NFASC: variants seen among roughly 807,000 people sequenced by gnomAD.
The protein encoded by NFASC is neurofascin homolog.
A neutral mutation model predicts 147.5 loss-of-function variants in NFASC; 43 were observed. The ratio of observed to expected loss-of-function variants is 0.29; its 90% confidence interval spans 0.23 to 0.38. The LOEUF (loss-of-function observed/expected upper bound fraction) is 0.38, where lower values mean the gene tolerates loss of function less well. NFASC is among the 10% of genes least tolerant of loss of function. NFASC has a pLI of 1.00. For synonymous variants in NFASC, 622 were observed against 665.5 expected, an observed-to-expected ratio of 0.93 and a Z score of 1.01; for missense variants, 1,320 against 1,689.0, an observed-to-expected ratio of 0.78 and a Z score of 3.83.
In NFASC at chr1:204,968,306, G is replaced by T; in HGVS notation, c.764G>T (p.Ser255Ile). 1 of 1,614,212 alleles carries T rather than the reference G, an allele frequency of 6.2e-7. No individual in the cohort carries two copies. The highest frequency in any genetic ancestry group is 8.5e-7 in the Non-Finnish European group (1 of 1,180,024). Residue 255 changes from serine (S) to isoleucine (I), a missense_variant, in exon 9 of 30, where the codon AGC becomes ATC. Around this residue, in one of 3 missense-constraint regions of NFASC, gnomAD observed 981 missense variants for 1,289.5 expected, o/e 0.76. Transcript: ENST00000339876. The surrounding 1 kb of genome is among the most constrained non-coding windows in gnomAD (Gnocchi z 5.4). Reference sequence around the variant, plus strand: ...ATGTATCCCCAGGGCACCGCGAGCAGCCAGATGGTGCTTCGTGGCATGGAC... The same window carrying T: ...ATGTATCCCCAGGGCACCGCGAGCATCCAGATGGTGCTTCGTGGCATGGAC... ...SFMYPQGTAS[S>I]QMVLRGMDLL...
At chr1:204,858,416 G>A (rs2076356946) in intron 1 of NFASC, among the ~76,000 whole-genome samples, 1 of 152,148 alleles carries the variant, frequency 6.6e-6, no homozygotes, top group Non-Finnish European at 1.5e-5. Context: ...AGGCCTTGTG[G>A]TTCCTCTGGG....
At chr1:204,934,452 A>C (rs1283824856) in intron 2 of NFASC, among the ~76,000 whole-genome samples, 1 of 152,226 alleles carries the variant, frequency 6.6e-6, no homozygotes, top group Non-Finnish European at 1.5e-5. Context: ...TGTTAATGTA[A>C]ATGTATATGT....
chr1:204,910,759 C>G (rs1003777578), intron 1 of NFASC, among the ~76,000 whole-genome samples: 7 of 152,122 alleles, frequency 4.6e-5, no homozygotes, highest in Non-Finnish European at 1.0e-4. Flanking sequence ...TACCTCCGGC[C>G]TCCCAAAGTG....
chr1:204,836,158 C>CTGTGTG (rs1175051279), intron 1 of NFASC, among the ~76,000 whole-genome samples: 3 of 151,850 alleles, frequency 2.0e-5, no homozygotes, highest in Non-Finnish European at 4.4e-5. Context: ...GCATGTATGT[C>CTGTGTG]TGTGTGTGCG....
intron 10 of NFASC, 47 bp from the exon 11 acceptor site, chr1:204,970,569 G>A (rs750540929): frequency 6.2e-7 from 1 of 1,611,088 alleles, no homozygotes; most frequent in South Asian, 1.1e-5. Flanking sequence ...TCTTCTGCCT[G>A]TCCCATGCCA....
At chr1:204,838,802 G>C (rs1274825725) in intron 1 of NFASC, among the ~76,000 whole-genome samples, 1 of 152,200 alleles carries the variant, frequency 6.6e-6, no homozygotes, top group African/African-American at 2.4e-5. Flanking sequence ...GGCCCAGGGT[G>C]GGGGTACAGG....
intron 2 of NFASC, among the ~76,000 whole-genome samples, chr1:204,932,801 G>A (rs1025126185): frequency 2.0e-5 from 3 of 152,146 alleles, no homozygotes; most frequent in Non-Finnish European, 2.9e-5. Flanking sequence ...TAGTTTTACC[G>A]CAGTGTGCCA....
intron 2 of NFASC, among the ~76,000 whole-genome samples, chr1:204,929,228 C>A (rs2092092274): frequency 6.6e-6 from 1 of 151,952 alleles, no homozygotes; most frequent in Non-Finnish European, 1.5e-5. Flanking sequence ...TGAGTGCTAT[C>A]AATGGTTAAA....
At chr1:204,921,171 T>C (rs1296781493) in intron 2 of NFASC, among the ~76,000 whole-genome samples, 8 of 152,184 alleles carry the variant, frequency 5.3e-5, no homozygotes, top group Admixed American at 3.9e-4. Flanking sequence ...CCCTGGCAGA[T>C]GGACAGTTAT....
At chr1:204,942,837 T>C (rs530992797) in intron 2 of NFASC, among the ~76,000 whole-genome samples, 2 of 152,144 alleles carry the variant, frequency 1.3e-5, no homozygotes, top group East Asian at 3.9e-4. Flanking sequence ...ACTGCAAAAA[T>C]GTGAATAAGA....
intron 24 of NFASC, chr1:204,993,784 T>A (rs1175123698): frequency 1.9e-6 from 1 of 518,030 alleles, no homozygotes; most frequent in Non-Finnish European, 3.9e-6. Flanking sequence ...CTGCCCAGCC[T>A]GGTGCTGCTC....
rs2096344133 is a variant in NFASC at position 205,015,665 on chromosome 1, T to C, written c.3492-643T>C. On this transcript the variant is annotated intron_variant, in intron 29 of 29. Transcript: ENST00000339876. This position sits in a 1 kb window ranked among gnomAD's most constrained non-coding sequence, Gnocchi z 4.0. ...TGCTGGCATCACCTGCTTACCTGTG[T>C]GCCCCCCCACCACCACCACTCTTGC... 6.6e-6 allele frequency among the ~76,000 whole-genome samples: 1 copy of C among 152,078 alleles called. No individual in the cohort carries two copies. Among genetic ancestry groups the C allele is most frequent in the Non-Finnish European group, 1.5e-5 (1 of 68,020 alleles).
chr1:204,997,353 C>T lies in NFASC; in HGVS notation c.2966C>T (p.Thr989Ile). The change falls in exon 25 of 30, where the codon ACC becomes ATC. Residue 989 changes from threonine to isoleucine, a missense_variant. Transcript: ENST00000339876. ...ACTACAACCACTGCTGCCGCCACCA[C>T]CACCACGGAGAGTCCTCCCACCACC... ...TTTTTTAAAT[T>I]TTESPPTTTS... 6.4e-7 allele frequency: 1 copy of T among 1,557,762 alleles called. No individual in the cohort carries two copies. The highest frequency in any genetic ancestry group is 8.7e-7 in the Non-Finnish European group (1 of 1,150,544).
intron 1 of NFASC, among the ~76,000 whole-genome samples, chr1:204,872,239 A>C (rs750997186): frequency 6.6e-5 from 10 of 152,190 alleles, no homozygotes; most frequent in Non-Finnish European, 1.5e-4. Context: ...TGCACAAAGC[A>C]AACGGTACAG....
intron 1 of NFASC, among the ~76,000 whole-genome samples, chr1:204,909,051 G>T (rs1394384351): frequency 1.3e-5 from 2 of 152,156 alleles, no homozygotes; most frequent in Non-Finnish European, 2.9e-5. Context: ...AAACATTTAT[G>T]TACAGGTTTT....
At chr1:204,939,048 G>A (rs950765402) in intron 2 of NFASC, among the ~76,000 whole-genome samples, 28 of 149,840 alleles carry the variant, frequency 1.9e-4, no homozygotes, top group Middle Eastern at 6.9e-3. Context: ...ATGTGTGTGT[G>A]TGTGTGTGTG....
rs200482080 is a variant in NFASC at position 204,980,433 on chromosome 1, C to T, written c.2240C>T (p.Thr747Met). Residue 747 changes from threonine (T) to methionine (M), a missense_variant, in exon 20 of 30, where the codon ACG becomes ATG. Coordinates refer to ENST00000339876, the MANE Select transcript of NFASC (RefSeq NM_001005388.3). ...EGTRKNNMEITWTPMNATSAF... is the reference protein window; with the variant it reads ...EGTRKNNMEIMWTPMNATSAF... Reference sequence around the variant, plus strand: ...ACCAGAAAGAACAACATGGAGATCACGTGGACGGTAAGAGGCCCTCCCAGC... The same window carrying T: ...ACCAGAAAGAACAACATGGAGATCATGTGGACGGTAAGAGGCCCTCCCAGC... 23 of 1,612,216 alleles carry T rather than the reference C, an allele frequency of 1.4e-5. No homozygotes were observed. Among genetic ancestry groups the T allele is most frequent in the Admixed American group, 5.0e-5 (3 of 59,906 alleles).
chr1:204,877,016 A>ATATATATATAAAATATATATT (rs2078990619), intron 1 of NFASC, among the ~76,000 whole-genome samples: 1 of 109,694 alleles, frequency 9.1e-6, no homozygotes, highest in Non-Finnish European at 1.6e-5. Context: ...ATATATATAT[A>ATATATATATAAAATATATATT]TATATATATA....
At chr1:205,012,702 C>A in intron 28 of NFASC, 95 bp from the exon 29 acceptor site, 1 of 897,794 alleles carries the variant, frequency 1.1e-6, no homozygotes, top group Non-Finnish European at 1.9e-6. Flanking sequence ...GAGCCCAGGG[C>A]GGTGCCTTCT....
Sources: gnomAD v4.1 joint callset for allele counts (sites outside exome capture counted in the v4.1 genomes callset) on GRCh38, gnomAD v4.1.1 for gene constraint, gnomAD v4.1.1 regional missense constraint, Gnocchi (gnomAD v3.1) non-coding constraint, MANE v1.5 for transcripts, NCBI Gene and HGNC (gene_info 2026-07-23, HGNC 2026-07-21) for gene names.